NLRC5: variants seen among roughly 807,000 people sequenced by gnomAD.
NLRC5 encodes the protein protein NLRC5.
Under a neutral mutation model 206.9 loss-of-function variants are expected in NLRC5, and 114 were observed. The ratio of observed to expected loss-of-function variants is 0.55; its 90% CI spans 0.47 to 0.64. The LOEUF (loss-of-function observed/expected upper bound fraction) is 0.64, where lower values mean the gene tolerates loss of function less well. Ranked by LOEUF, NLRC5 falls within the 30% of genes least tolerant of loss-of-function variation. The pLI is 0.00. For synonymous variants in NLRC5, 952 were observed against 962.8 expected (o/e 0.99, Z 0.21); for missense variants, 2,008 against 2,305.5 (o/e 0.87, Z 2.64).
intron 1 of NLRC5, among the ~76,000 whole-genome samples, chr16:56,999,972 G>A (rs774199696): frequency 1.0e-4 from 15 of 149,508 alleles, no homozygotes; most frequent in South Asian, 2.1e-4. Context: ...CAGTGCCTGC[G>A]TTCTACCTCC....
chr16:57,020,741 AC>A lies in NLRC5; in HGVS notation c.30del (p.Asn10LysfsTer9). On this transcript the variant is annotated frameshift_variant, in exon 3 of 49. Coordinates refer to ENST00000688547, the MANE Select transcript of NLRC5 (RefSeq NM_001384950.1). LOFTEE classifies it high-confidence loss of function. ...GACCCCGTTGGCCTCCAGCTCGGCA[AC>A]AAGAACCTGTGGAGCTGTCTTGTGA... MDPVGLQLG[N>X]KNLWSCLVRL... The A allele has an allele frequency of 1.2e-6, 2 of 1,611,160 alleles. No homozygotes were observed. The highest frequency in any genetic ancestry group is 1.7e-6 in the Non-Finnish European group (2 of 1,179,466).
At chr16:56,997,762 G>A (rs1281171288) in intron 1 of NLRC5, among the ~76,000 whole-genome samples, 2 of 151,944 alleles carry the variant, frequency 1.3e-5, no homozygotes, top group East Asian at 3.9e-4. Flanking sequence ...TGTACTTTTT[G>A]TAGAGATGGG....
intron 26 of NLRC5, 142 bp from the exon 27 acceptor site, chr16:57,055,291 G>T: frequency 1.1e-6 from 1 of 900,580 alleles, no homozygotes. Context: ...GGGAGCAGTG[G>T]ATTCTGGACA....
At chr16:57,062,119 A>G (rs1171894311) in intron 32 of NLRC5, 4 of 1,054,916 alleles carry the variant, frequency 3.8e-6, no homozygotes, top group Non-Finnish European at 5.1e-6. Flanking sequence ...AGTTGTTCAT[A>G]CTTTTTTTAT....
At chr16:57,039,555 CT>C (rs11408235) in intron 15 of NLRC5, among the ~76,000 whole-genome samples, 2 of 149,456 alleles carry the variant, frequency 1.3e-5, no homozygotes, top group African/African-American at 2.5e-5. Context: ...TCTCTACATA[CT>C]TTTTTTTTTA....
chr16:57,042,301 C>CGCATCTCTG (rs1314714032), intron 19 of NLRC5, among the ~76,000 whole-genome samples: 1 of 152,160 alleles, frequency 6.6e-6, no homozygotes, highest in Non-Finnish European at 1.5e-5. Context: ...AACCTGTCTC[C>CGCATCTCTG]GCATCTCTGA....
intron 32 of NLRC5, among the ~76,000 whole-genome samples, chr16:57,063,121 T>G (rs2066715293): frequency 6.9e-6 from 1 of 144,206 alleles, no homozygotes; most frequent in Non-Finnish European, 1.5e-5. Context: ...TTTTTTTTTT[T>G]TTTTTTTTGA....
intron 1 of NLRC5, among the ~76,000 whole-genome samples, chr16:57,002,144 C>G (rs1210665517): frequency 5.3e-5 from 8 of 152,062 alleles, no homozygotes; most frequent in African/African-American, 1.9e-4. Context: ...TTCTTTTACT[C>G]TTTTATTCTT....
At chr16:56,999,846 A>G (rs1251804256) in intron 1 of NLRC5, among the ~76,000 whole-genome samples, 1 of 152,180 alleles carries the variant, frequency 6.6e-6, no homozygotes, top group African/African-American at 2.4e-5. Context: ...CCCAGGTGGG[A>G]GGTAGCGAGG....
intron 13 of NLRC5, chr16:57,034,541 C>T (rs2062282810): frequency 5.7e-6 from 2 of 352,978 alleles, no homozygotes; most frequent in Non-Finnish European, 1.0e-5. Context: ...GAAAGATAAA[C>T]TTGCTCAAGG....
At chr16:57,069,487 G>T (rs1163190998) in intron 36 of NLRC5, among the ~76,000 whole-genome samples, 1 of 152,138 alleles carries the variant, frequency 6.6e-6, no homozygotes, top group East Asian at 1.9e-4. Flanking sequence ...AACTCTTTAG[G>T]ACAGAGAGAT....
At chr16:57,029,685 T>G in intron 8 of NLRC5, 88 bp from the exon 9 acceptor site, 32 of 1,044,926 alleles carry the variant, frequency 3.1e-5, no homozygotes, top group Non-Finnish European at 4.1e-5. Context: ...GTCTCCCACA[T>G]GAGGGTGGCC....
chr16:57,002,863 T>C (rs1567508138), intron 1 of NLRC5, among the ~76,000 whole-genome samples: 3 of 152,130 alleles, frequency 2.0e-5, no homozygotes, highest in African/African-American at 7.2e-5. Context: ...GAGGATGGTC[T>C]CAATCTCTTG....
At chr16:57,056,817 C>T (rs897420422) in intron 27 of NLRC5, among the ~76,000 whole-genome samples, 7 of 151,972 alleles carry the variant, frequency 4.6e-5, no homozygotes, top group African/African-American at 1.7e-4. Context: ...AGCCACCATG[C>T]CTGGCTAATT....
chr16:56,994,165 G>A (rs1240044340), intron 1 of NLRC5, among the ~76,000 whole-genome samples: 4 of 151,704 alleles, frequency 2.6e-5, no homozygotes, highest in Non-Finnish European at 5.9e-5. Flanking sequence ...TGTATGGGGC[G>A]GAGGGGCTGT....
intron 1 of NLRC5, among the ~76,000 whole-genome samples, chr16:57,008,611 T>G (rs1266601028): frequency 6.6e-6 from 1 of 152,180 alleles, no homozygotes; most frequent in Non-Finnish European, 1.5e-5. Context: ...CAAAAACTAA[T>G]AAGAAAGCCT....
intron 48 of NLRC5, 50 bp downstream of exon 48, chr16:57,081,660 C>T (rs58379618): frequency 0.045 from 68,391 of 1,505,616 alleles, 4,913 homozygotes; most frequent in East Asian, 0.28. Context: ...GCTACACCAA[C>T]CCCCAGATCT....
intron 23 of NLRC5, among the ~76,000 whole-genome samples, chr16:57,051,230 T>A (rs1447438598): frequency 6.6e-6 from 1 of 152,210 alleles, no homozygotes; most frequent in Admixed American, 6.5e-5. Context: ...ATTCTGCTAG[T>A]CCATTTAGTT....
At chr16:57,059,245 G>A in intron 29 of NLRC5, 184 bp downstream of exon 29, 12 of 1,476,932 alleles carry the variant, frequency 8.1e-6, no homozygotes, top group Non-Finnish European at 1.1e-5. Context: ...ATCCCCTGAT[G>A]CCCGGGTGCC....
Sources: allele counts gnomAD v4.1 joint callset (sites outside exome capture counted in the v4.1 genomes callset), GRCh38; gene constraint gnomAD v4.1.1; transcripts MANE v1.5; gene names NCBI Gene and HGNC (gene_info 2026-07-23, HGNC 2026-07-21).